Variants in RXFP1 observed in about 807,000 individuals in gnomAD.
RXFP1 encodes relaxin family peptide receptor 1, also known as relaxin receptor 1.
RXFP1 carries 73 observed loss-of-function variants against 89.8 expected under a neutral mutation model. The observed-to-expected ratio is 0.81, with a 90% confidence interval of 0.67 to 0.99. RXFP1 has a LOEUF of 0.99. RXFP1 is among the 50% of genes least tolerant of loss of function. The pLI is 0.00. For synonymous variants in RXFP1, 277 were observed against 305.5 expected, an observed-to-expected ratio of 0.91 and a Z score of 0.97; for missense variants, 793 against 895.5, an observed-to-expected ratio of 0.89 and a Z score of 1.46.
intron 1 of RXFP1, among the ~76,000 whole-genome samples, chr4:158,570,345 AAGTG>A (rs1171030490): frequency 6.6e-6 from 1 of 152,176 alleles, no homozygotes; most frequent in Non-Finnish European, 1.5e-5. Context: ...GAAAGTGTTG[AAGTG>A]AGTGAGAAAG....
intron 1 of RXFP1, among the ~76,000 whole-genome samples, chr4:158,569,580 A>C (rs190628460): frequency 1.3e-5 from 2 of 152,306 alleles, no homozygotes; most frequent in Admixed American, 1.3e-4. Context: ...AGCTATAAAA[A>C]ATAAGGTCTA....
intron 2 of RXFP1, among the ~76,000 whole-genome samples, chr4:158,588,290 G>A (rs749813426): frequency 5.9e-5 from 9 of 152,004 alleles, no homozygotes; most frequent in African/African-American, 9.7e-5. Flanking sequence ...TCATTGTTCC[G>A]CCGTACTTTA....
chr4:158,624,018 G>C (rs186664711), intron 9 of RXFP1, among the ~76,000 whole-genome samples: 3 of 151,952 alleles, frequency 2.0e-5, no homozygotes. Flanking sequence ...ACAACTCTGC[G>C]TATTTATGCT....
intron 17 of RXFP1, among the ~76,000 whole-genome samples, chr4:158,649,350 T>A (rs956984294): frequency 2.0e-5 from 3 of 152,034 alleles, no homozygotes; most frequent in Non-Finnish European, 4.4e-5. Flanking sequence ...AATTACTGCA[T>A]TTTTTTTCAA....
At chr4:158,557,928 C>T (rs1045012545) in intron 1 of RXFP1, among the ~76,000 whole-genome samples, 1 of 152,132 alleles carries the variant, frequency 6.6e-6, no homozygotes, top group African/African-American at 2.4e-5. Flanking sequence ...TATTAATGTC[C>T]TGCTCCCAGT....
rs773380310 is a variant in RXFP1, at chr4:158,652,052, A to C, written c.2271A>C (p.Ser757=). 5 of 1,603,624 alleles carry C rather than the reference A, an allele frequency of 3.1e-6. No homozygotes were observed. The highest frequency in any genetic ancestry group is 3.4e-6 in the Non-Finnish European group (4 of 1,173,248). Residue 757 remains serine (S), a synonymous_variant, in exon 18 of 18, where the codon TCA becomes TCC. Coordinates refer to ENST00000307765, the MANE Select transcript of RXFP1 (RefSeq NM_021634.4). The stretch of plus-strand genomic sequence containing the variant: ...AATCAACGAGACTCAATTCCTATTC[A>C]TGACTGACTCTGAAATTCATTTCTT... ...ISQSTRLNSY[S]
intron 1 of RXFP1, among the ~76,000 whole-genome samples, chr4:158,532,345 A>C (rs960680696): frequency 1.3e-5 from 2 of 151,976 alleles, no homozygotes; most frequent in African/African-American, 4.8e-5. Context: ...GGGCATCTAG[A>C]TGGATTCCAT....
At chr4:158,625,732 C>T (rs921098858) in intron 9 of RXFP1, among the ~76,000 whole-genome samples, 13 of 152,162 alleles carry the variant, frequency 8.5e-5, no homozygotes, top group African/African-American at 2.9e-4. Context: ...TAATACTTTC[C>T]ATGTTTCCTT....
intron 1 of RXFP1, among the ~76,000 whole-genome samples, chr4:158,539,277 A>C (rs1746017657): frequency 6.6e-6 from 1 of 152,182 alleles, no homozygotes; most frequent in African/African-American, 2.4e-5. Flanking sequence ...TGGGAATTGA[A>C]CAATGAGAAC....
At chr4:158,545,234 G>T (rs2149851202) in intron 1 of RXFP1, among the ~76,000 whole-genome samples, 1 of 151,986 alleles carries the variant, frequency 6.6e-6, no homozygotes, top group South Asian at 2.1e-4. Flanking sequence ...TTTTTTGGCT[G>T]CATAAATGTC....
intron 11 of RXFP1, among the ~76,000 whole-genome samples, chr4:158,629,436 T>C (rs1767587770): frequency 6.6e-6 from 1 of 152,226 alleles, no homozygotes; most frequent in South Asian, 2.1e-4. Context: ...ATTATTTTTA[T>C]AATGCCCCTT....
At chr4:158,571,864 C>T (rs886565952) in intron 1 of RXFP1, among the ~76,000 whole-genome samples, 2 of 152,104 alleles carry the variant, frequency 1.3e-5, no homozygotes, top group Non-Finnish European at 2.9e-5. Context: ...TTCAATGTGG[C>T]GATTCCCGCT....
At chr4:158,633,159 T>C (rs1207792635) in intron 11 of RXFP1, among the ~76,000 whole-genome samples, 1 of 151,912 alleles carries the variant, frequency 6.6e-6, no homozygotes, top group Non-Finnish European at 1.5e-5. Context: ...GACAGAGTGA[T>C]ACTCGGTCTC....
At chr4:158,544,755 T>A (rs532369027) in intron 1 of RXFP1, among the ~76,000 whole-genome samples, 1 of 152,320 alleles carries the variant, frequency 6.6e-6, no homozygotes, top group South Asian at 2.1e-4. Context: ...GTTTCATCCA[T>A]GTCCCTAAAA....
chr4:158,605,139 T>C lies in RXFP1; in HGVS notation c.464T>C (p.Leu155Pro). ...AAGAATTATCATGATCTTCAGAAGCTGTAAGAAAATACTTAATTCCTGGTA... is the reference window on the plus strand; with the variant it reads ...AAGAATTATCATGATCTTCAGAAGCCGTAAGAAAATACTTAATTCCTGGTA... ...CFKNYHDLQKLYLQNNKITSI... is the reference protein window; with the variant it reads ...CFKNYHDLQKPYLQNNKITSI... Residue 155 changes from leucine to proline, a missense_variant and splice_region_variant, in exon 5 of 18, where the codon CTG becomes CCG. Transcript: ENST00000307765. 1 of 1,568,588 alleles carries C rather than the reference T, an allele frequency of 6.4e-7. No homozygotes were observed. The highest frequency in any genetic ancestry group is 1.4e-5 in the African/African-American group (1 of 74,034).
rs76164022 is a variant in RXFP1, at chr4:158,568,451, T to C, written c.50-4247T>C. Among the ~76,000 whole-genome samples the C allele has an allele frequency of 9.9e-3, 1,504 of 152,362 alleles. 24 individuals carry two copies. Among genetic ancestry groups the C allele is most frequent in the African/African-American group, 0.033 (1,391 of 41,586 alleles). Reference sequence around the variant, plus strand: ...AAAACATCTTCAAAGTAGCTGTAGCTGGAGGCTAATTCATTAAAGAATTTT... The same window carrying C: ...AAAACATCTTCAAAGTAGCTGTAGCCGGAGGCTAATTCATTAAAGAATTTT... On this transcript the variant is annotated intron_variant, in intron 1 of 17. Coordinates refer to ENST00000307765, the MANE Select transcript of RXFP1 (RefSeq NM_021634.4).
intron 14 of RXFP1, among the ~76,000 whole-genome samples, chr4:158,640,357 C>T (rs552297734): frequency 2.0e-5 from 3 of 152,164 alleles, no homozygotes; most frequent in Non-Finnish European, 2.9e-5. Flanking sequence ...ATCGGAGGCT[C>T]GGTAGTTTAT....
intron 1 of RXFP1, among the ~76,000 whole-genome samples, chr4:158,561,720 C>A (rs1203013876): frequency 6.6e-6 from 1 of 150,380 alleles, no homozygotes; most frequent in African/African-American, 2.4e-5. Flanking sequence ...CTCCACCTCC[C>A]GGGTTCAAGT....
chr4:158,605,789 T>C (rs1040195231), intron 5 of RXFP1, among the ~76,000 whole-genome samples: 3 of 152,208 alleles, frequency 2.0e-5, no homozygotes, highest in African/African-American at 7.2e-5. Context: ...AATTGCTGGG[T>C]TTAGATAGTC....
Sources: gnomAD v4.1 joint callset for allele counts (sites outside exome capture counted in the v4.1 genomes callset) on GRCh38, gnomAD v4.1.1 for gene constraint, MANE v1.5 for transcripts, NCBI Gene and HGNC (gene_info 2026-07-23, HGNC 2026-07-21) for gene names.